Variants in MRTFB observed in about 807,000 individuals in gnomAD.
MRTFB encodes myocardin-related transcription factor B.
A neutral mutation model predicts 104.2 loss-of-function variants in MRTFB; 29 were observed. The observed-to-expected ratio is 0.28, with a 90% CI of 0.21 to 0.38. The LOEUF (loss-of-function observed/expected upper bound fraction) is 0.38, where lower values mean the gene tolerates loss of function less well. MRTFB is among the 10% of genes least tolerant of loss of function. MRTFB has a pLI of 1.00. For missense variants in MRTFB, 1,270 were observed against 1,341.6 expected, an observed-to-expected ratio of 0.95 and a Z score of 0.83; for synonymous variants, 535 against 519.5, an observed-to-expected ratio of 1.03 and a Z score of -0.41.
rs555926236 is a variant in MRTFB, at chr16:14,176,581, C to T, written c.155-33662C>T. Reference sequence around the variant, plus strand: ...CAGTGAATGCCTTTGAGTATTAGGGCTTAATTTCCTCACAGAACCCATTGA... The same window carrying T: ...CAGTGAATGCCTTTGAGTATTAGGGTTTAATTTCCTCACAGAACCCATTGA... On this transcript the variant is annotated intron_variant, in intron 3 of 16. Transcript: ENST00000571589. Among the ~76,000 whole-genome samples the T allele has an allele frequency of 1.8e-4, 28 of 152,290 alleles. No individual in the cohort carries two copies. In the South Asian group the frequency reaches 2.3e-3, roughly 12 times the overall value.
the MRTFB span, among the ~76,000 whole-genome samples, chr16:14,040,183 C>T: frequency 6.6e-6 from 1 of 152,196 alleles, no homozygotes; most frequent in East Asian, 1.9e-4. Flanking sequence ...ATGGCAAAAG[C>T]CACTATTACG....
At chr16:14,107,923 A>C (rs539551468) in intron 2 of MRTFB, among the ~76,000 whole-genome samples, 1 of 152,304 alleles carries the variant, frequency 6.6e-6, no homozygotes, top group African/African-American at 2.4e-5. Context: ...CCAAGTGTCT[A>C]GTCCCAGGTA....
Position 14,262,412 on chromosome 16 carries a change from C to A in MRTFB, c.*968C>A, listed in dbSNP as rs932701295. 9 of 152,194 alleles carry A rather than the reference C, an allele frequency of 5.9e-5. No homozygotes were observed. Among genetic ancestry groups the A allele is most frequent in the African/African-American group, 2.2e-4 (9 of 41,442 alleles). 9.4% of individuals were successfully genotyped at this position (152,194 alleles called of 1,614,324 possible). The stretch of plus-strand genomic sequence containing the variant: ...CCCATCTCAAAGAACCAAGAAAAGG[C>A]TTTAGCATGAAATATCTTTCTGAGC... On this transcript the variant is annotated 3_prime_UTR_variant, in exon 17 of 17. Coordinates refer to ENST00000571589, the MANE Select transcript of MRTFB (RefSeq NM_001308142.2).
intron 1 of MRTFB, among the ~76,000 whole-genome samples, chr16:14,077,015 TAGAG>T (rs2034104299): frequency 6.6e-6 from 1 of 152,250 alleles, no homozygotes; most frequent in African/African-American, 2.4e-5. Flanking sequence ...GTGTATAAAT[TAGAG>T]AGATTAGCCC....
chr16:14,166,995 G>A (rs905463482), intron 3 of MRTFB, among the ~76,000 whole-genome samples: 2 of 152,160 alleles, frequency 1.3e-5, no homozygotes, highest in Non-Finnish European at 2.9e-5. Context: ...CTTGATAATA[G>A]GATGATTTAT....
the MRTFB span, among the ~76,000 whole-genome samples, chr16:14,060,484 A>G: frequency 6.6e-6 from 1 of 151,918 alleles, no homozygotes; most frequent in South Asian, 2.1e-4. Flanking sequence ...CAGGTCTCTT[A>G]CCCTGTTTGA....
At position 14,225,268 on chromosome 16, in the gene MRTFB, C is replaced by T. The variant is rs1032736266; in HGVS notation, c.693+6270C>T. Among the ~76,000 whole-genome samples, 5 of 152,040 alleles carry T rather than the reference C, an allele frequency of 3.3e-5. No homozygotes were observed. The South Asian group carries it at 1.0e-3, about 32-fold the overall frequency. ...TTGGTCTGTAACTCTACTTTTTTTC[C>T]TACAGGATTTAAAATACACATTCAT... On this transcript the variant is annotated intron_variant, in intron 8 of 16. Transcript: ENST00000571589.
intron 8 of MRTFB, among the ~76,000 whole-genome samples, chr16:14,227,897 A>C (rs2042080965): frequency 1.3e-5 from 2 of 151,986 alleles, no homozygotes; most frequent in South Asian, 4.2e-4. Context: ...AACAACAAAA[A>C]AACTGTTCAA....
chr16:14,125,248 C>T (rs1426883532), intron 2 of MRTFB, among the ~76,000 whole-genome samples: 1 of 152,260 alleles, frequency 6.6e-6, no homozygotes, highest in African/African-American at 2.4e-5. Context: ...GCAACTGCCT[C>T]TGCCTTTCTT....
At chr16:14,165,785 A>C (rs77858039) in intron 3 of MRTFB, among the ~76,000 whole-genome samples, 4,622 of 152,260 alleles carry the variant, frequency 0.03, 256 homozygotes, top group African/African-American at 0.11. Flanking sequence ...AAAATGGTTA[A>C]TAGCCTTTGC....
chr16:14,079,421 T>G (rs1316970608), intron 2 of MRTFB, 67 bp downstream of exon 2: 4 of 328,418 alleles, frequency 1.2e-5, no homozygotes, highest in African/African-American at 2.1e-5. Context: ...TACCTCCTCT[T>G]ACAGCCTGCT....
chr16:14,180,622 C>T (rs2039735824), intron 3 of MRTFB, among the ~76,000 whole-genome samples: 1 of 152,210 alleles, frequency 6.6e-6, no homozygotes, highest in Admixed American at 6.5e-5. Flanking sequence ...ATGTGAATGG[C>T]TGCCTGAGGA....
intron 2 of MRTFB, among the ~76,000 whole-genome samples, chr16:14,119,903 C>T (rs1033907686): frequency 3.3e-5 from 5 of 152,060 alleles, no homozygotes; most frequent in Non-Finnish European, 5.9e-5. Context: ...CTTCACTGGA[C>T]GTTGCCAGAT....
the MRTFB span, among the ~76,000 whole-genome samples, chr16:14,030,484 G>T: frequency 3.3e-5 from 5 of 152,196 alleles, no homozygotes; most frequent in African/African-American, 1.2e-4. Context: ...AACCTCATGG[G>T]ACCATTCTGG....
chr16:14,257,748 C>A (rs1395749443), intron 15 of MRTFB, among the ~76,000 whole-genome samples: 1 of 152,024 alleles, frequency 6.6e-6, no homozygotes, highest in Admixed American at 6.5e-5. Flanking sequence ...TAGAACTGAA[C>A]AAATATGTAT....
At position 14,163,083 on chromosome 16, in the gene MRTFB, C is replaced by T. The variant is rs80076553; in HGVS notation, c.154+22323C>T. Among the ~76,000 whole-genome samples, 759 of 152,250 alleles carry T rather than the reference C, an allele frequency of 5.0e-3. 2 individuals are homozygous for T. Among genetic ancestry groups the T allele is most frequent in the African/African-American group, 0.017 (721 of 41,524 alleles). ...TAAAATCATTTCAGAATTACACCAC[C>T]AACAATATTACTACTGCTAACAAAT... On this transcript the variant is annotated intron_variant, in intron 3 of 16. Coordinates refer to ENST00000571589, the MANE Select transcript of MRTFB (RefSeq NM_001308142.2).
intron 10 of MRTFB, among the ~76,000 whole-genome samples, chr16:14,244,900 T>C (rs2042946562): frequency 6.6e-6 from 1 of 152,240 alleles, no homozygotes. Flanking sequence ...TTTTATGTGC[T>C]GTTTAAGAAA....
intron 3 of MRTFB, among the ~76,000 whole-genome samples, chr16:14,190,296 T>C (rs2040120825): frequency 6.6e-6 from 1 of 152,220 alleles, no homozygotes; most frequent in Non-Finnish European, 1.5e-5. Flanking sequence ...TTAACTTGTC[T>C]ACAAACGGCT....
chr16:14,115,286 A>G (rs1037557145), intron 2 of MRTFB, among the ~76,000 whole-genome samples: 2 of 152,208 alleles, frequency 1.3e-5, no homozygotes, highest in Admixed American at 6.5e-5. Context: ...TTTTTGTGAA[A>G]TATGTATTTT....
Sources: allele counts gnomAD v4.1 joint callset (sites outside exome capture counted in the v4.1 genomes callset), GRCh38; gene constraint gnomAD v4.1.1; transcripts MANE v1.5; gene names NCBI Gene and HGNC (gene_info 2026-07-23, HGNC 2026-07-21).